The following DNAJC1 variants were observed in gnomAD, a reference collection of about 807,000 sequenced individuals.
The protein encoded by DNAJC1 is dnaJ homolog subfamily C member 1.
DNAJC1 carries 58 observed loss-of-function variants against 76.6 expected under a neutral mutation model. The ratio of observed to expected loss-of-function variants is 0.76; its 90% CI spans 0.61 to 0.94. DNAJC1 has a LOEUF of 0.94. Ranked by LOEUF, DNAJC1 falls within the 40% of genes least tolerant of loss-of-function variation. The pLI is 0.00. For synonymous variants in DNAJC1, 258 were observed against 267.9 expected (o/e 0.96, Z 0.36); for missense variants, 689 against 677.3 (o/e 1.02, Z -0.19).
intron 8 of DNAJC1, among the ~76,000 whole-genome samples, chr10:21,862,483 C>T: frequency 6.9e-6 from 1 of 145,342 alleles, no homozygotes. Context: ...GGCTGGAGTG[C>T]AGTCGTGTGA....
At chr10:21,995,046 T>C (rs1268763948) in intron 1 of DNAJC1, among the ~76,000 whole-genome samples, 1 of 151,634 alleles carries the variant, frequency 6.6e-6, no homozygotes, top group Admixed American at 6.6e-5. Flanking sequence ...AGTAATCTTA[T>C]CTGTTAACGA....
chr10:21,962,697 G>A (rs1837818952), intron 1 of DNAJC1, among the ~76,000 whole-genome samples: 1 of 145,834 alleles, frequency 6.9e-6, no homozygotes, highest in African/African-American at 2.5e-5. Context: ...TTGCCCAGGC[G>A]GGTCTTGAAC....
At chr10:21,953,243 G>C (rs1837626349) in intron 1 of DNAJC1, among the ~76,000 whole-genome samples, 2 of 151,768 alleles carry the variant, frequency 1.3e-5, no homozygotes, top group African/African-American at 4.8e-5. Flanking sequence ...AATGATACTA[G>C]GCATAATAAT....
At chr10:21,980,910 T>C (rs1485873500) in intron 1 of DNAJC1, among the ~76,000 whole-genome samples, 3 of 152,136 alleles carry the variant, frequency 2.0e-5, no homozygotes, top group Non-Finnish European at 4.4e-5. Flanking sequence ...CCAGAAACCC[T>C]ACTGTATTTG....
chr10:21,809,330 A>G (rs1178920063), intron 8 of DNAJC1, among the ~76,000 whole-genome samples: 1 of 151,966 alleles, frequency 6.6e-6, no homozygotes, highest in Non-Finnish European at 1.5e-5. Context: ...TAATAAATAG[A>G]TACTGAAACT....
At chr10:21,940,833 G>A (rs1426126196) in intron 1 of DNAJC1, among the ~76,000 whole-genome samples, 1 of 151,978 alleles carries the variant, frequency 6.6e-6, no homozygotes, top group Non-Finnish European at 1.5e-5. Flanking sequence ...TCTATAATCT[G>A]GTAACTAGAT....
At chr10:21,793,625 C>T (rs1359403417) in intron 9 of DNAJC1, among the ~76,000 whole-genome samples, 1 of 152,190 alleles carries the variant, frequency 6.6e-6, no homozygotes, top group Non-Finnish European at 1.5e-5. Flanking sequence ...TACATACCAG[C>T]AATGGACAAT....
At chr10:21,812,434 T>C (rs1353358027) in intron 8 of DNAJC1, among the ~76,000 whole-genome samples, 5 of 152,230 alleles carry the variant, frequency 3.3e-5, no homozygotes, top group Admixed American at 3.3e-4. Context: ...TTCATGTCTT[T>C]TGACCATTTG....
intron 9 of DNAJC1, among the ~76,000 whole-genome samples, chr10:21,779,453 G>A (rs955664556): frequency 2.6e-5 from 4 of 152,198 alleles, no homozygotes; most frequent in African/African-American, 9.7e-5. Context: ...CCGCTGTTCT[G>A]CAGCCTCTGC....
chr10:21,988,025 T>C (rs1402054734), intron 1 of DNAJC1, among the ~76,000 whole-genome samples: 1 of 152,182 alleles, frequency 6.6e-6, no homozygotes. Context: ...ACTACTGATT[T>C]CACAGCACAC....
chr10:21,964,868 C>T (rs1442278469), intron 1 of DNAJC1, among the ~76,000 whole-genome samples: 1 of 152,084 alleles, frequency 6.6e-6, no homozygotes, highest in African/African-American at 2.4e-5. Context: ...TTTTTCTTCA[C>T]TGCTGCTATG....
chr10:21,907,404 A>C, intron 6 of DNAJC1, among the ~76,000 whole-genome samples: 1 of 152,048 alleles, frequency 6.6e-6, no homozygotes, highest in East Asian at 1.9e-4. Context: ...TATGAACTCA[A>C]GCAATTCTAC....
chr10:21,995,679 T>C (rs1335451663), intron 1 of DNAJC1, among the ~76,000 whole-genome samples: 1 of 152,234 alleles, frequency 6.6e-6, no homozygotes, highest in Non-Finnish European at 1.5e-5. Flanking sequence ...TAATGAAGTA[T>C]ACTGTTTTAT....
chr10:21,893,622 G>C (rs1836491253), intron 7 of DNAJC1, among the ~76,000 whole-genome samples: 1 of 151,558 alleles, frequency 6.6e-6, no homozygotes, highest in Admixed American at 6.6e-5. Flanking sequence ...GTGAGACTCA[G>C]TTAAAAAAAA....
chr10:21,820,316 G>A (rs894831292), intron 8 of DNAJC1, among the ~76,000 whole-genome samples: 1 of 152,074 alleles, frequency 6.6e-6, no homozygotes, highest in African/African-American at 2.4e-5. Flanking sequence ...TTTTGTCTGT[G>A]TTATCCATCT....
At chr10:21,898,640 C>T (rs2131738694) in intron 7 of DNAJC1, among the ~76,000 whole-genome samples, 1 of 151,588 alleles carries the variant, frequency 6.6e-6, no homozygotes, top group Non-Finnish European at 1.5e-5. Flanking sequence ...GCAACCTCCA[C>T]CTCCTGGGTT....
intron 1 of DNAJC1, among the ~76,000 whole-genome samples, 189 bp from the exon 2 acceptor site, chr10:21,929,330 T>A (rs1590053598): frequency 6.6e-6 from 1 of 152,218 alleles, no homozygotes; most frequent in African/African-American, 2.4e-5. Flanking sequence ...AATTATTCAA[T>A]CTAATTTGGC....
At chr10:21,803,874 A>C (rs550033596) in intron 9 of DNAJC1, 60 of 982,816 alleles carry the variant, frequency 6.1e-5, no homozygotes, top group Non-Finnish European at 6.9e-5. Context: ...AAAAAAAAAA[A>C]AAACCCAAAA....
chr10:21,774,879 G>A (rs1190130929), intron 9 of DNAJC1, among the ~76,000 whole-genome samples: 1 of 152,210 alleles, frequency 6.6e-6, no homozygotes, highest in African/African-American at 2.4e-5. Context: ...TTACCTTAGA[G>A]AATCATTCAC....
Sources: gnomAD v4.1 joint callset for allele counts (sites outside exome capture counted in the v4.1 genomes callset) on GRCh38, gnomAD v4.1.1 for gene constraint, MANE v1.5 for transcripts, NCBI Gene and HGNC (gene_info 2026-07-23, HGNC 2026-07-21) for gene names.